Variants in CEP128 observed in about 807,000 individuals in gnomAD.
CEP128 encodes centrosomal protein 128, also known as centrosomal protein 128kDa.
In CEP128, 132 loss-of-function variants were observed where a neutral mutation model predicts 156.7. That is an observed-to-expected ratio of 0.84 (90% confidence interval 0.73 to 0.97). CEP128 has a LOEUF of 0.97. Ranked by LOEUF, CEP128 falls within the 50% of genes least tolerant of loss-of-function variation. The probability of loss-of-function intolerance (pLI) is 0.00; values close to 1 mark genes in which losing one functional copy is unlikely to be tolerated. For missense variants in CEP128, 1,252 were observed against 1,281.9 expected (o/e 0.98, Z 0.36); for synonymous variants, 469 against 448.9 (o/e 1.04, Z -0.57).
chr14:80,662,531 T>C (rs1371388113), intron 19 of CEP128, among the ~76,000 whole-genome samples: 4 of 152,272 alleles, frequency 2.6e-5, no homozygotes, highest in South Asian at 2.1e-4. Flanking sequence ...ATATAAGCCA[T>C]GTATCCAGCC....
intron 19 of CEP128, among the ~76,000 whole-genome samples, chr14:80,584,815 C>A (rs1891747157): frequency 6.6e-6 from 1 of 152,166 alleles, no homozygotes; most frequent in Non-Finnish European, 1.5e-5. Context: ...AGCTGAAGGG[C>A]TGCTCTGCTC....
chr14:80,606,665 G>A (rs1261897497), intron 19 of CEP128, among the ~76,000 whole-genome samples: 1 of 152,098 alleles, frequency 6.6e-6, no homozygotes, highest in Non-Finnish European at 1.5e-5. Context: ...GAAACAGAAT[G>A]TACTGTACTT....
chr14:80,851,835 G>C (rs996268692), intron 9 of CEP128, among the ~76,000 whole-genome samples: 1 of 151,846 alleles, frequency 6.6e-6, no homozygotes, highest in Non-Finnish European at 1.5e-5. Context: ...GATATGCCAT[G>C]AATAAAGTAA....
At chr14:80,721,917 GAATTA>G (rs1429874368) in intron 19 of CEP128, among the ~76,000 whole-genome samples, 37 of 152,128 alleles carry the variant, frequency 2.4e-4, no homozygotes, top group African/African-American at 8.2e-4. Context: ...GAATAAACAT[GAATTA>G]AATTAAATGA....
intron 16 of CEP128, among the ~76,000 whole-genome samples, chr14:80,762,019 G>T (rs1459487927): frequency 6.6e-6 from 1 of 151,982 alleles, no homozygotes; most frequent in Non-Finnish European, 1.5e-5. Context: ...TAAATATGAT[G>T]CTAGTTTCTT....
intron 19 of CEP128, among the ~76,000 whole-genome samples, chr14:80,680,533 C>T (rs768459000): frequency 6.6e-6 from 1 of 152,140 alleles, no homozygotes; most frequent in Non-Finnish European, 1.5e-5. Flanking sequence ...CTCTGCTCCA[C>T]ACGCAGACAA....
At chr14:80,821,737 G>A (rs1219752088) in intron 13 of CEP128, among the ~76,000 whole-genome samples, 1 of 151,580 alleles carries the variant, frequency 6.6e-6, no homozygotes, top group Non-Finnish European at 1.5e-5. Flanking sequence ...GTGAAGTGGT[G>A]TGAACATGGC....
chr14:80,664,531 A>G (rs1291511434), intron 19 of CEP128, among the ~76,000 whole-genome samples: 1 of 152,164 alleles, frequency 6.6e-6, no homozygotes, highest in Admixed American at 6.5e-5. Flanking sequence ...ACCACATAGG[A>G]CCCTGTGCTG....
intron 19 of CEP128, among the ~76,000 whole-genome samples, chr14:80,643,922 A>T (rs894085194): frequency 1.3e-5 from 2 of 152,230 alleles, no homozygotes; most frequent in Non-Finnish European, 2.9e-5. Context: ...ATTTGGAGAT[A>T]GCGTGAGTCA....
intron 21 of CEP128, among the ~76,000 whole-genome samples, chr14:80,548,526 T>G (rs1890082138): frequency 6.6e-6 from 1 of 152,216 alleles, no homozygotes; most frequent in Non-Finnish European, 1.5e-5. Context: ...TTCACCCAGA[T>G]AGGCTCTCTT....
At chr14:80,822,569 A>G in intron 13 of CEP128, 1 of 696,794 alleles carries the variant, frequency 1.4e-6, no homozygotes, top group South Asian at 1.4e-5. Flanking sequence ...AGATAAAGCC[A>G]AGGTGAAGGA....
chr14:80,527,570 T>A (rs1466469866), intron 22 of CEP128, among the ~76,000 whole-genome samples: 2 of 152,198 alleles, frequency 1.3e-5, no homozygotes, highest in African/African-American at 2.4e-5. Context: ...ACTGACACCC[T>A]TTAGAACAAG....
Position 80,504,934 on chromosome 14 carries a change from A to C in CEP128, c.3159T>G (p.Ser1053Arg), listed in dbSNP as rs776932905. ...TACAGTTCACGTATGAAAATCTTGG[A>C]CTAGACAGGAAGCGACTGTGATCCT... ...SWQDHSRFLS[S>R]PRFSYVNSFT... is the part of the protein sequence containing the mutation. Residue 1053 changes from serine to arginine, a missense_variant, in exon 24 of 25, where the codon AGT (serine) becomes AGG (arginine). Coordinates refer to ENST00000555265, the MANE Select transcript of CEP128 (RefSeq NM_152446.5). The C allele has an allele frequency of 2.5e-6, 4 of 1,598,200 alleles. No homozygotes were observed. The highest frequency in any genetic ancestry group is 3.4e-6 in the Non-Finnish European group (4 of 1,169,430).
At chr14:80,613,009 T>A (rs1237978979) in intron 19 of CEP128, among the ~76,000 whole-genome samples, 1 of 11,022 alleles carries the variant, frequency 9.1e-5, no homozygotes. Context: ...CCCGGCGAAT[T>A]TTTTTTTTTT....
chr14:80,662,584 T>C (rs1212402267), intron 19 of CEP128, among the ~76,000 whole-genome samples: 1 of 152,108 alleles, frequency 6.6e-6, no homozygotes, highest in Non-Finnish European at 1.5e-5. Context: ...TTTGCAACAC[T>C]GCAAATCAAG....
chr14:80,720,748 T>G (rs1564940), intron 19 of CEP128, among the ~76,000 whole-genome samples: 2 of 152,076 alleles, frequency 1.3e-5, no homozygotes, highest in Non-Finnish European at 2.9e-5. Context: ...TTGGTCTAGG[T>G]AGCGGAAACG....
At chr14:80,498,418 C>T (rs1188666871) in intron 24 of CEP128, among the ~76,000 whole-genome samples, 1 of 152,206 alleles carries the variant, frequency 6.6e-6, no homozygotes, top group Non-Finnish European at 1.5e-5. Flanking sequence ...CCTCATCCTG[C>T]CCTTAATGGT....
At chr14:80,763,944 C>T (rs1288872043) in intron 16 of CEP128, among the ~76,000 whole-genome samples, 3 of 152,088 alleles carry the variant, frequency 2.0e-5, no homozygotes, top group Non-Finnish European at 4.4e-5. Flanking sequence ...AAAATAAATA[C>T]CCTATCAGAG....
intron 20 of CEP128, among the ~76,000 whole-genome samples, chr14:80,574,254 G>A (rs1891262987): frequency 6.6e-6 from 1 of 152,202 alleles, no homozygotes; most frequent in Non-Finnish European, 1.5e-5. Flanking sequence ...TCCAGTGAGA[G>A]AGCAGAGCAT....
Sources: gnomAD v4.1 joint callset for allele counts (sites outside exome capture counted in the v4.1 genomes callset) on GRCh38, gnomAD v4.1.1 for gene constraint, MANE v1.5 for transcripts, NCBI Gene and HGNC (gene_info 2026-07-23, HGNC 2026-07-21) for gene names.